SLC25A21: variants seen among roughly 807,000 people sequenced by gnomAD.
SLC25A21 encodes the protein solute carrier family 25 member 21.
In SLC25A21, 47 loss-of-function variants were observed where a neutral mutation model predicts 43.8. That is an observed-to-expected ratio of 1.07 (90% CI 0.85 to 1.37). SLC25A21 has a LOEUF of 1.37. SLC25A21 is among the 40% of genes most tolerant of loss of function. SLC25A21 has a pLI of 0.00. For synonymous variants in SLC25A21, 131 were observed against 121.3 expected, an observed-to-expected ratio of 1.08 and a Z score of -0.52; for missense variants, 352 against 350.2, an observed-to-expected ratio of 1.00 and a Z score of -0.04.
At chr14:36,719,612 A>T (rs1341788472) in intron 6 of SLC25A21, among the ~76,000 whole-genome samples, 2 of 152,208 alleles carry the variant, frequency 1.3e-5, no homozygotes, top group Non-Finnish European at 2.9e-5. Flanking sequence ...CACTGGTATT[A>T]GAGTTGGAGG....
chr14:37,103,446 G>C lies in SLC25A21; in HGVS notation c.70+68835C>G, dbSNP rs142287877. On this transcript the variant is annotated intron_variant, in intron 1 of 9. Transcript: ENST00000331299. ...TTCAGAATAAATATAGTCACCATGG[G>C]ACAACTACCATGCTTTGAGCTTTGT... Among the ~76,000 whole-genome samples the C allele has an allele frequency of 3.1e-3, 471 of 152,238 alleles. 1 individual carries two copies. Among genetic ancestry groups the C allele is most frequent in the African/African-American group, 0.011 (438 of 41,550 alleles).
chr14:36,941,238 C>T (rs1377487470), intron 1 of SLC25A21, among the ~76,000 whole-genome samples: 1 of 152,002 alleles, frequency 6.6e-6, no homozygotes, highest in African/African-American at 2.4e-5. Context: ...GGAAAAAAAT[C>T]ATCTCATATT....
intron 7 of SLC25A21, among the ~76,000 whole-genome samples, chr14:36,700,565 T>C (rs1883234236): frequency 6.6e-6 from 1 of 152,166 alleles, no homozygotes; most frequent in African/African-American, 2.4e-5. Context: ...GTACAATGAT[T>C]AAGAGCATGG....
At chr14:37,105,813 T>C (rs1441173040) in intron 1 of SLC25A21, among the ~76,000 whole-genome samples, 1 of 152,152 alleles carries the variant, frequency 6.6e-6, no homozygotes, top group Non-Finnish European at 1.5e-5. Flanking sequence ...TGTCATTTCA[T>C]CATATAGCCA....
At chr14:37,008,401 A>G (rs925613782) in intron 1 of SLC25A21, among the ~76,000 whole-genome samples, 1 of 152,232 alleles carries the variant, frequency 6.6e-6, no homozygotes, top group Non-Finnish European at 1.5e-5. Context: ...CAGTCATGAC[A>G]TGGCTCTGTC....
chr14:36,772,004 TG>T (rs1043064046), intron 3 of SLC25A21, among the ~76,000 whole-genome samples: 2 of 152,010 alleles, frequency 1.3e-5, no homozygotes, highest in African/African-American at 2.4e-5. Flanking sequence ...CAGCATAAGG[TG>T]GGGCACACCA....
intron 8 of SLC25A21, among the ~76,000 whole-genome samples, chr14:36,684,147 T>C (rs1882420761): frequency 6.6e-6 from 1 of 152,170 alleles, no homozygotes; most frequent in African/African-American, 2.4e-5. Context: ...TCAAGACAGG[T>C]CTTACTTTCA....
intron 3 of SLC25A21, among the ~76,000 whole-genome samples, chr14:36,734,862 G>C (rs1217487408): frequency 6.6e-6 from 1 of 152,136 alleles, no homozygotes; most frequent in African/African-American, 2.4e-5. Flanking sequence ...AAGGGCTCTT[G>C]AGTTTATTTT....
intron 3 of SLC25A21, among the ~76,000 whole-genome samples, chr14:36,781,658 A>G (rs566988687): frequency 6.6e-6 from 1 of 152,232 alleles, no homozygotes; most frequent in South Asian, 2.1e-4. Context: ...GTCACAATTT[A>G]TTTCTTTTTT....
intron 1 of SLC25A21, among the ~76,000 whole-genome samples, chr14:36,942,994 G>C: frequency 6.6e-6 from 1 of 152,116 alleles, no homozygotes; most frequent in Non-Finnish European, 1.5e-5. Context: ...TTCCAGTAGA[G>C]AGCTGCTTCT....
chr14:36,917,821 A>G (rs1233167005), intron 1 of SLC25A21, among the ~76,000 whole-genome samples: 1 of 152,216 alleles, frequency 6.6e-6, no homozygotes, highest in Non-Finnish European at 1.5e-5. Flanking sequence ...TCAGTAGAAA[A>G]GATTAAAAAT....
chr14:36,936,059 G>C (rs1444364870), intron 1 of SLC25A21, among the ~76,000 whole-genome samples: 1 of 152,082 alleles, frequency 6.6e-6, no homozygotes, highest in Non-Finnish European at 1.5e-5. Flanking sequence ...TTATCTATCA[G>C]TACTATCAGC....
At chr14:36,852,899 A>G (rs1889786545) in intron 2 of SLC25A21, among the ~76,000 whole-genome samples, 1 of 152,200 alleles carries the variant, frequency 6.6e-6, no homozygotes, top group Non-Finnish European at 1.5e-5. Flanking sequence ...TTTGAATATA[A>G]TAAATATCAT....
chr14:37,049,505 G>A (rs1002129567), intron 1 of SLC25A21, among the ~76,000 whole-genome samples: 1 of 152,152 alleles, frequency 6.6e-6, no homozygotes, highest in Non-Finnish European at 1.5e-5. Flanking sequence ...CCAGGGGGTC[G>A]AGGCTGCAGT....
rs762273297 is a variant in SLC25A21, at chr14:36,734,587, A to G, written c.204-14T>C. The G allele has an allele frequency of 3.8e-6, 6 of 1,590,230 alleles. No homozygotes were observed. The highest frequency in any genetic ancestry group is 5.1e-6 in the Non-Finnish European group (6 of 1,166,156). On this transcript the variant is annotated splice_polypyrimidine_tract_variant and intron_variant, in intron 3 of 9. Transcript: ENST00000331299. ...AAACCAAATAACCTGTTGGAGAAAT[A>G]AAAGATTTCCTATGAGTAAGGAAAT... is the stretch of plus-strand genomic sequence containing the variant.
intron 1 of SLC25A21, among the ~76,000 whole-genome samples, chr14:37,085,565 T>C (rs13353107): frequency 0.23 from 34,714 of 152,204 alleles, 4,598 homozygotes; most frequent in Non-Finnish European, 0.3. Context: ...GACATTGTAT[T>C]CTGCTAGAAA....
At chr14:36,690,997 G>T (rs1039562288) in intron 7 of SLC25A21, among the ~76,000 whole-genome samples, 2 of 152,148 alleles carry the variant, frequency 1.3e-5, no homozygotes, top group Non-Finnish European at 2.9e-5. Context: ...TCTGAGTCAG[G>T]TACTGGGTTA....
intron 1 of SLC25A21, among the ~76,000 whole-genome samples, chr14:36,896,850 A>G (rs1322784531): frequency 1.3e-5 from 2 of 152,178 alleles, no homozygotes; most frequent in Non-Finnish European, 2.9e-5. Context: ...TTTCTTTAAG[A>G]ATGTTGAATA....
At chr14:37,133,710 C>T (rs890408595) in intron 1 of SLC25A21, among the ~76,000 whole-genome samples, 1 of 152,074 alleles carries the variant, frequency 6.6e-6, no homozygotes, top group African/African-American at 2.4e-5. Context: ...CTCCTCCAGA[C>T]CCTACACATC....
Sources: allele counts gnomAD v4.1 joint callset (sites outside exome capture counted in the v4.1 genomes callset), GRCh38; gene constraint gnomAD v4.1.1; transcripts MANE v1.5; gene names NCBI Gene and HGNC (gene_info 2026-07-23, HGNC 2026-07-21).